SLC22A8: variants seen among roughly 807,000 people sequenced by gnomAD.
The protein encoded by SLC22A8 is solute carrier family 22 member 8, also known as organic anion transporter 3.
SLC22A8 carries 40 observed loss-of-function variants against 48.4 expected under a neutral mutation model. That is an observed-to-expected ratio of 0.83 (90% CI 0.64 to 1.08). The LOEUF is 1.08. SLC22A8 is among the 50% of genes least tolerant of loss of function. The pLI is 0.00. For missense variants in SLC22A8, 606 were observed against 699.0 expected (o/e 0.87, Z 1.50); for synonymous variants, 268 against 286.3 (o/e 0.94, Z 0.65).
At chr11:63,005,619 A>G (rs988984409) in intron 2 of SLC22A8, among the ~76,000 whole-genome samples, 8 of 152,248 alleles carry the variant, frequency 5.3e-5, no homozygotes, top group African/African-American at 1.9e-4. Context: ...TTAATTCACT[A>G]TGACTCGTGT....
intron 7 of SLC22A8, 128 bp downstream of exon 7, chr11:62,995,576 T>G (rs1422373275): frequency 1.5e-6 from 1 of 682,900 alleles, no homozygotes; most frequent in East Asian, 2.6e-5. Context: ...TGGGCTGTGG[T>G]GGCCCAGGAG....
chr11:63,013,335 G>A (rs971772446), intron 2 of SLC22A8, among the ~76,000 whole-genome samples: 2 of 152,146 alleles, frequency 1.3e-5, no homozygotes, highest in Non-Finnish European at 2.9e-5. Flanking sequence ...CCTCATCTGT[G>A]AACTGGAGAT....
At position 62,993,498 on chromosome 11, in the gene SLC22A8, C is replaced by T; in HGVS notation, c.1455G>A (p.Gly485=). The change falls in exon 10 of 11, where the codon GGG becomes GGA. Residue 485 remains glycine (G), a synonymous_variant. Coordinates refer to ENST00000336232, the MANE Select transcript of SLC22A8 (RefSeq NM_004254.4). The part of the protein sequence containing the change: ...NIIYGITALL[G]GSAALFLPET... ...CAGGCAGGAAGAGGGCAGCACTGCC[C>T]CCGAGGAGGGCGGTGATCCCGTAGA... 1 of 1,614,176 alleles carries T rather than the reference C, an allele frequency of 6.2e-7. No individual in the cohort carries two copies. The highest frequency in any genetic ancestry group is 8.5e-7 in the Non-Finnish European group (1 of 1,180,030).
At chr11:63,007,255 T>A (rs1292558602) in intron 2 of SLC22A8, among the ~76,000 whole-genome samples, 1 of 152,218 alleles carries the variant, frequency 6.6e-6, no homozygotes, top group African/African-American at 2.4e-5. Flanking sequence ...TGGTTCTGTT[T>A]AGTCCTCGGC....
At position 62,994,558 on chromosome 11, in the gene SLC22A8, G is replaced by A; in HGVS notation, c.1200C>T (p.Leu400=). ...LLLAGGAILA[L]TFVPLDLQTV... Reference sequence around the variant, plus strand: ...GTCTCTCACCCAAGGGCACAAAGGTGAGAGCCAAGATGGCCCCTCCTGCCA... The same window carrying A: ...GTCTCTCACCCAAGGGCACAAAGGTAAGAGCCAAGATGGCCCCTCCTGCCA... The change falls in exon 8 of 11, where the codon CTC becomes CTT. Residue 400 remains leucine, a synonymous_variant. Transcript: ENST00000336232. The A allele has an allele frequency of 6.2e-7, 1 of 1,609,584 alleles. No homozygotes were observed.
intron 2 of SLC22A8, among the ~76,000 whole-genome samples, chr11:63,002,970 C>T (rs117449442): frequency 0.019 from 2,855 of 152,304 alleles, 35 homozygotes; most frequent in Non-Finnish European, 0.031. Flanking sequence ...TACTGGACTT[C>T]GGCCTCATCC....
rs775143649 is a variant in SLC22A8, at chr11:63,014,794, G to T, written c.165C>A (p.Ala55=). 1.9e-6 allele frequency: 3 copies of T among 1,613,172 alleles called. No homozygotes were observed. The highest frequency in any genetic ancestry group is 2.5e-6 in the Non-Finnish European group (3 of 1,179,214). Residue 55 remains alanine, a synonymous_variant, in exon 2 of 11, where the codon GCC becomes GCA. Transcript: ENST00000336232. ...TGGGGAGCACCCAAGGCCCTGTGGA[G>T]GCATTGTGGGGCGGGCGACAGTGGT... ...PVHHCRPPHN[A]STGPWVLPMG... is the part of the protein sequence containing the mutation.
At chr11:63,005,026 ACAGT>A (rs1487614342) in intron 2 of SLC22A8, among the ~76,000 whole-genome samples, 9 of 152,216 alleles carry the variant, frequency 5.9e-5, no homozygotes, top group African/African-American at 2.2e-4. Context: ...TTTTTTCTTC[ACAGT>A]CAGACTGGGA....
intron 2 of SLC22A8, among the ~76,000 whole-genome samples, chr11:63,002,337 A>G (rs538348042): frequency 6.6e-6 from 1 of 152,308 alleles, no homozygotes; most frequent in Non-Finnish European, 1.5e-5. Flanking sequence ...AATCAAGCTA[A>G]TTAACATCAC....
intron 5 of SLC22A8, among the ~76,000 whole-genome samples, chr11:62,997,944 T>C (rs1025445886): frequency 1.3e-5 from 2 of 152,184 alleles, no homozygotes; most frequent in African/African-American, 2.4e-5. Flanking sequence ...TTTCCTGCTC[T>C]TTGGCTCTGA....
chr11:62,999,906 T>C (rs1230093658), intron 3 of SLC22A8, 64 bp from the exon 4 acceptor site: 21 of 1,354,302 alleles, frequency 1.6e-5, no homozygotes, highest in Non-Finnish European at 2.0e-5. Context: ...GGAGTGACTC[T>C]GCATGCTGTG....
intron 2 of SLC22A8, among the ~76,000 whole-genome samples, chr11:63,002,720 A>T (rs1387180484): frequency 7.9e-5 from 12 of 151,996 alleles, no homozygotes; most frequent in African/African-American, 2.9e-4. Context: ...TTGAATCTGG[A>T]TTCTTCTATT....
chr11:62,997,263 C>T (rs764586808), intron 5 of SLC22A8, among the ~76,000 whole-genome samples: 27 of 152,236 alleles, frequency 1.8e-4, no homozygotes, highest in Admixed American at 7.8e-4. Context: ...CTCGCACTAT[C>T]GCCTGGGCTG....
rs201886853 is a variant in SLC22A8 at position 63,014,859 on chromosome 11, G to C, written c.100C>G (p.His34Asp). ...LGLPILNMAN[H>D]NLLQIFTAAT... ...GCTGTGAAGATCTGCAGCAGGTTGT[G>C]GTTGGCCATGTTGAGGATCGGGAGG... The change falls in exon 2 of 11, where the codon CAC becomes GAC. Residue 34 changes from histidine to aspartate, a missense_variant. His to Asp is a moderately conservative substitution (Grantham distance 81). Transcript: ENST00000336232. 5 of 1,611,866 alleles carry C rather than the reference G, an allele frequency of 3.1e-6. No homozygotes were observed. In the East Asian group the frequency reaches 1.1e-4, roughly 36 times the overall value.
At chr11:62,997,783 C>A (rs930740706) in intron 5 of SLC22A8, among the ~76,000 whole-genome samples, 1 of 152,312 alleles carries the variant, frequency 6.6e-6, no homozygotes, top group East Asian at 1.9e-4. Flanking sequence ...TCCTCATCTG[C>A]AAAATGGGGA....
chr11:63,014,341 G>A (rs527590975), intron 2 of SLC22A8, among the ~76,000 whole-genome samples: 2 of 152,144 alleles, frequency 1.3e-5, no homozygotes, highest in South Asian at 2.1e-4. Context: ...AGACCCCCTG[G>A]GAGCAGGCAT....
rs117176978 is a variant in SLC22A8, at chr11:63,015,320, G to A, written c.-25-337C>T. On this transcript the variant is annotated intron_variant, in intron 1 of 10. Transcript: ENST00000336232. ...GTGAGCTCGGGTATGTGTTGTGAGC[G>A]TGTGCACCTGCGGACACGAGCATGT... 5.5e-3 allele frequency among the ~76,000 whole-genome samples: 833 copies of A among 152,326 alleles called. 4 individuals carry two copies. Among genetic ancestry groups the A allele is most frequent in the South Asian group, 0.017 (83 of 4,826 alleles).
intron 8 of SLC22A8, chr11:62,994,166 A>G (rs1475381030): frequency 3.8e-6 from 2 of 527,740 alleles, no homozygotes; most frequent in Non-Finnish European, 6.8e-6. Flanking sequence ...TAACACCCAT[A>G]TAAAATAAAC....
chr11:62,993,591 G>A lies in SLC22A8; in HGVS notation c.1362C>T (p.Arg454=), dbSNP rs751862831. The change falls in exon 10 of 11, where the codon CGC becomes CGT. Residue 454 remains arginine (R), a synonymous_variant. Coordinates refer to ENST00000336232, the MANE Select transcript of SLC22A8 (RefSeq NM_004254.4). ...CCAGCGGGGACACCATGCTTCCCAC[G>A]CGGGTCCACAGGTTACTTACGCCCA... ...TGMGVSNLWT[R]VGSMVSPLVK... The A allele has an allele frequency of 1.2e-5, 19 of 1,612,814 alleles. No individual in the cohort carries two copies. The highest frequency in any genetic ancestry group is 1.6e-4 in the Middle Eastern group (1 of 6,076).
Sources: gnomAD v4.1 joint callset for allele counts (sites outside exome capture counted in the v4.1 genomes callset) on GRCh38, gnomAD v4.1.1 for gene constraint, MANE v1.5 for transcripts, NCBI Gene and HGNC (gene_info 2026-07-23, HGNC 2026-07-21) for gene names.